Variants in ATAD2B observed in about 807,000 individuals in gnomAD.
The protein encoded by ATAD2B is ATPase family AAA domain-containing protein 2B.
Under a neutral mutation model 167.6 loss-of-function variants are expected in ATAD2B, and 40 were observed. The ratio of observed to expected loss-of-function variants is 0.24; its 90% CI spans 0.19 to 0.31. The LOEUF is 0.31. ATAD2B is among the 10% of genes least tolerant of loss of function. The probability of loss-of-function intolerance (pLI) is 1.00; values close to 1 mark genes in which losing one functional copy is unlikely to be tolerated. For synonymous variants in ATAD2B, 579 were observed against 596.5 expected (o/e 0.97, Z 0.43); for missense variants, 1,242 against 1,757.2 (o/e 0.71, Z 5.24).
the ATAD2B span, among the ~76,000 whole-genome samples, chr2:23,704,965 A>T: frequency 2.0e-5 from 3 of 152,254 alleles, no homozygotes; most frequent in Admixed American, 2.0e-4. Flanking sequence ...GACCTTGGAC[A>T]TATCCCTTCA....
intron 1 of ATAD2B, among the ~76,000 whole-genome samples, chr2:23,905,596 A>G (rs1218864195): frequency 6.6e-6 from 1 of 152,204 alleles, no homozygotes; most frequent in Non-Finnish European, 1.5e-5. Flanking sequence ...ACATTACAGC[A>G]CTACCACTAT....
intron 13 of ATAD2B, among the ~76,000 whole-genome samples, chr2:23,851,268 C>T (rs1484810725): frequency 2.0e-5 from 3 of 152,152 alleles, no homozygotes; most frequent in Non-Finnish European, 4.4e-5. Context: ...ACGTCAGCCT[C>T]CCAAGTAGCT....
At chr2:23,787,096 T>C (rs1343992204) in intron 20 of ATAD2B, among the ~76,000 whole-genome samples, 1 of 148,770 alleles carries the variant, frequency 6.7e-6, no homozygotes, top group Non-Finnish European at 1.5e-5. Context: ...ATGAAGGAGA[T>C]GGAAAACCAG....
chr2:23,835,610 T>C (rs1373780828), intron 13 of ATAD2B, among the ~76,000 whole-genome samples: 1 of 152,150 alleles, frequency 6.6e-6, no homozygotes, highest in Non-Finnish European at 1.5e-5. Context: ...ACTTTGTAAA[T>C]ATACTGAAAG....
chr2:23,901,084 A>G (rs1700773308), intron 1 of ATAD2B: 1 of 153,612 alleles, frequency 6.5e-6, no homozygotes, highest in East Asian at 1.9e-4. Flanking sequence ...TTAATACAAG[A>G]CCAAGCAAAT....
chr2:23,868,514 A>G (rs1695470367), intron 9 of ATAD2B, among the ~76,000 whole-genome samples: 1 of 152,210 alleles, frequency 6.6e-6, no homozygotes, highest in Non-Finnish European at 1.5e-5. Context: ...GCTGGTCTCA[A>G]ATTCCTAGGC....
chr2:23,700,639 C>G, the ATAD2B span, among the ~76,000 whole-genome samples: 1 of 152,252 alleles, frequency 6.6e-6, no homozygotes, highest in African/African-American at 2.4e-5. The surrounding 1 kb of genome is among the most constrained non-coding windows in gnomAD (Gnocchi z 4.6). Context: ...ATTGACCCCT[C>G]TCAGCTCCGG....
At chr2:23,744,994 A>G (rs1166536029), downstream of ATAD2B, among the ~76,000 whole-genome samples, 1 of 152,162 alleles carries the variant, frequency 6.6e-6, no homozygotes. Context: ...TTATTCCTAG[A>G]AAAACTTGAG....
intron 13 of ATAD2B, among the ~76,000 whole-genome samples, chr2:23,856,708 A>C (rs900168109): frequency 2.6e-5 from 4 of 151,956 alleles, no homozygotes. Flanking sequence ...TAAAAATACA[A>C]AATTAGCCAG....
intron 18 of ATAD2B, among the ~76,000 whole-genome samples, 187 bp downstream of exon 18, chr2:23,810,129 C>A (rs1364520892): frequency 6.6e-6 from 1 of 152,148 alleles, no homozygotes; most frequent in Non-Finnish European, 1.5e-5. Flanking sequence ...AATGAGCTCA[C>A]TTAAAAAACT....
At chr2:23,710,901 C>T in the ATAD2B span, among the ~76,000 whole-genome samples, 4 of 152,088 alleles carry the variant, frequency 2.6e-5, no homozygotes, top group African/African-American at 9.7e-5. Flanking sequence ...GGAACCAATC[C>T]CCTGCAGATG....
chr2:23,898,834 C>A (rs1176261730), intron 1 of ATAD2B, among the ~76,000 whole-genome samples: 1 of 151,924 alleles, frequency 6.6e-6, no homozygotes, highest in Non-Finnish European at 1.5e-5. Context: ...GAGACCTTAT[C>A]TCTACAAAAA....
chr2:23,803,785 G>A (rs921439063), intron 18 of ATAD2B, among the ~76,000 whole-genome samples: 1 of 152,050 alleles, frequency 6.6e-6, no homozygotes, highest in Non-Finnish European at 1.5e-5. Flanking sequence ...ATCAAGTAGG[G>A]TCTCCCACCT....
At chr2:23,708,016 A>G in the ATAD2B span, 1 of 152,222 alleles carries the variant, frequency 6.6e-6, no homozygotes, top group African/African-American at 2.4e-5. Flanking sequence ...TGCGCTGTTG[A>G]GTTGAAGTTG....
At chr2:23,849,378 T>C (rs1692203156) in intron 13 of ATAD2B, among the ~76,000 whole-genome samples, 1 of 152,114 alleles carries the variant, frequency 6.6e-6, no homozygotes, top group African/African-American at 2.4e-5. Flanking sequence ...GAAAGCAACA[T>C]CAACATAAAG....
chr2:23,743,714 ACTCCCAAGCTCAAGTGGTC>A, downstream of ATAD2B, among the ~76,000 whole-genome samples: 1 of 152,078 alleles, frequency 6.6e-6, no homozygotes, highest in South Asian at 2.1e-4. Context: ...GAAGCCTCAA[ACTCCCAAGCTCAAGTGGTC>A]CTCCCATCTC....
intron 1 of ATAD2B, among the ~76,000 whole-genome samples, chr2:23,906,751 T>C (rs1361866721): frequency 6.6e-6 from 1 of 151,734 alleles, no homozygotes; most frequent in Non-Finnish European, 1.5e-5. Flanking sequence ...CAGCAGCACA[T>C]CAAAAAGCTT....
In ATAD2B at chr2:23,878,638, G is replaced by A. The variant is rs182154882; in HGVS notation, c.901+2001C>T. Among the ~76,000 whole-genome samples the A allele has an allele frequency of 4.5e-3, 677 of 152,080 alleles. 9 individuals carry two copies. The highest frequency in any genetic ancestry group is 0.014 in the African/African-American group (584 of 41,472). ...CATGCCACTGCACTCCAGCCTGGGC[G>A]ACAGAGCAAGACTCCATCTCAAAAT... is the stretch of plus-strand genomic sequence containing the variant. On this transcript the variant is annotated intron_variant, in intron 7 of 27. Transcript: ENST00000238789.
chr2:23,864,939 G>A lies in ATAD2B; in HGVS notation c.1189-15C>T, dbSNP rs753912639. On this transcript the variant is annotated splice_polypyrimidine_tract_variant and intron_variant, in intron 10 of 27. Coordinates refer to ENST00000238789, the MANE Select transcript of ATAD2B (RefSeq NM_017552.4). Reference sequence around the variant, plus strand: ...TCAAACCGTACCTTGGAAAGAAGGGGAAAAATTTGATATCAAACAATTTTA... The same window carrying A: ...TCAAACCGTACCTTGGAAAGAAGGGAAAAAATTTGATATCAAACAATTTTA... 3 of 1,437,392 alleles carry A rather than the reference G, an allele frequency of 2.1e-6. No homozygotes were observed. In the East Asian group the frequency reaches 7.4e-5, roughly 35 times the overall value. The allele number at this position is 1,437,392 out of a possible 1,614,324, so 89.0% of individuals were successfully genotyped here. A position where few individuals can be genotyped will look rare whatever the true frequency, so the allele number is the denominator to read the frequency against.
Sources: gnomAD v4.1 joint callset for allele counts (sites outside exome capture counted in the v4.1 genomes callset) on GRCh38, gnomAD v4.1.1 for gene constraint, Gnocchi (gnomAD v3.1) non-coding constraint, MANE v1.5 for transcripts, NCBI Gene and HGNC (gene_info 2026-07-23, HGNC 2026-07-21) for gene names.